DNAH7: variants seen among roughly 807,000 people sequenced by gnomAD.
The protein encoded by DNAH7 is axonemal beta dynein heavy chain 7.
A neutral mutation model predicts 444.6 loss-of-function variants in DNAH7; 397 were observed. The observed-to-expected ratio is 0.89, with a 90% CI of 0.82 to 0.97. The LOEUF (loss-of-function observed/expected upper bound fraction) is 0.97. DNAH7 is among the 50% of genes least tolerant of loss of function. DNAH7 has a pLI of 0.00. For synonymous variants in DNAH7, 1,636 were observed against 1,624.4 expected, an observed-to-expected ratio of 1.01 and a Z score of -0.17; for missense variants, 4,902 against 4,800.8, an observed-to-expected ratio of 1.02 and a Z score of -0.62.
intron 21 of DNAH7, among the ~76,000 whole-genome samples, chr2:195,928,070 C>T (rs975136903): frequency 1.3e-5 from 2 of 152,102 alleles, no homozygotes; most frequent in African/African-American, 4.8e-5. Context: ...TCATGCTCCC[C>T]TTTCTTCTCT....
rs767737012 is a variant in DNAH7, at chr2:195,864,975, C to A, written c.6680G>T (p.Ser2227Ile). 2 of 1,605,588 alleles carry A rather than the reference C, an allele frequency of 1.2e-6. No homozygotes were observed. Among genetic ancestry groups the A allele is most frequent in the African/African-American group, 2.7e-5 (2 of 74,892 alleles). ...YDRLLDNTDRSWLINYIQEIL... is the reference protein window; with the variant it reads ...YDRLLDNTDRIWLINYIQEIL... ...TTCTTGAATGTAGTTGATGAGCCAG[C>A]TTCTGTCTGTATTGTCCAGAAGGCG... Residue 2227 changes from serine (S) to isoleucine (I), a missense_variant, in exon 41 of 65, where the codon AGC becomes ATC. Transcript: ENST00000312428.
At chr2:195,867,680 T>A (rs904149757) in intron 40 of DNAH7, among the ~76,000 whole-genome samples, 4 of 152,220 alleles carry the variant, frequency 2.6e-5, no homozygotes, top group African/African-American at 9.6e-5. Flanking sequence ...AAATGAATCA[T>A]ATCATAGGTG....
chr2:196,053,662 A>G (rs1697626074), intron 2 of DNAH7, among the ~76,000 whole-genome samples: 1 of 152,162 alleles, frequency 6.6e-6, no homozygotes, highest in South Asian at 2.1e-4. Flanking sequence ...TCTCAAAGGC[A>G]CTGCTCTGAT....
At chr2:195,798,523 A>G (rs200561271) in intron 55 of DNAH7, among the ~76,000 whole-genome samples, 1 of 150,362 alleles carries the variant, frequency 6.7e-6, no homozygotes, top group Admixed American at 6.7e-5. Context: ...AAGACAAGGC[A>G]TGTAAATAGT....
In DNAH7 at chr2:195,910,387, T is replaced by A. The variant is rs1218263058; in HGVS notation, c.3936-192A>T. The stretch of plus-strand genomic sequence containing the variant: ...TCTGTTATTATATTTTATTTCTGAA[T>A]AGCTATATATATGCCACATTGAGAA... On this transcript the variant is annotated intron_variant, in intron 24 of 64. Coordinates refer to ENST00000312428, the MANE Select transcript of DNAH7 (RefSeq NM_018897.3). 2.0e-5 allele frequency among the ~76,000 whole-genome samples: 3 copies of A among 152,204 alleles called. No individual in the cohort carries two copies. The South Asian group carries it at 6.2e-4, about 32-fold the overall frequency.
chr2:196,024,430 C>T lies in DNAH7; in HGVS notation c.742G>A (p.Glu248Lys), dbSNP rs769872652. The T allele has an allele frequency of 7.6e-6, 12 of 1,574,740 alleles. 1 individual carries two copies. The Admixed American group carries it at 1.3e-4, about 17-fold the overall frequency. ...KTDELPAHRA[E>K]MEILPKPWRK... ...TCTTAGAGAAATCTGATCACTTACT[C>T]AGCACGATGGGCTGGAAGTTCATCT... The change falls in exon 8 of 65, where the codon GAA becomes AAA. Residue 248 changes from glutamate to lysine, a missense_variant and splice_region_variant. Physicochemically the swap from Glu to Lys is moderately conservative, Grantham distance 56. Coordinates refer to ENST00000312428, the MANE Select transcript of DNAH7 (RefSeq NM_018897.3).
intron 1 of DNAH7, among the ~76,000 whole-genome samples, chr2:196,061,316 T>A (rs1698119562): frequency 1.3e-5 from 2 of 152,126 alleles, no homozygotes; most frequent in South Asian, 4.1e-4. Context: ...TACTGGAATC[T>A]CCCAAATTTA....
At chr2:195,768,958 T>C (rs1694713534) in intron 61 of DNAH7, among the ~76,000 whole-genome samples, 1 of 152,198 alleles carries the variant, frequency 6.6e-6, no homozygotes, top group Admixed American at 6.5e-5. Context: ...GAGAATGTGA[T>C]ATAAAATTGT....
intron 2 of DNAH7, among the ~76,000 whole-genome samples, chr2:196,052,673 T>C (rs1697549488): frequency 6.6e-6 from 1 of 152,182 alleles, no homozygotes. Flanking sequence ...CCAGTTAATA[T>C]TAAAGACCAT....
At chr2:195,805,288 G>A (rs973229077) in intron 54 of DNAH7, among the ~76,000 whole-genome samples, 1 of 151,656 alleles carries the variant, frequency 6.6e-6, no homozygotes, top group Non-Finnish European at 1.5e-5. Context: ...GAAGGTCAGT[G>A]GTACATCCAG....
At chr2:195,779,041 C>T (rs1475725157) in intron 58 of DNAH7, among the ~76,000 whole-genome samples, 1 of 152,054 alleles carries the variant, frequency 6.6e-6, no homozygotes, top group East Asian at 1.9e-4. Context: ...GACGGGGTTT[C>T]ACCGTGTTAG....
chr2:195,899,354 T>C (rs1686549044), intron 28 of DNAH7, among the ~76,000 whole-genome samples: 1 of 152,210 alleles, frequency 6.6e-6, no homozygotes, highest in African/African-American at 2.4e-5. Flanking sequence ...GCTGCATAAC[T>C]TTAATAGCTC....
chr2:195,889,133 A>G, intron 31 of DNAH7, 152 bp from the exon 32 acceptor site: 3 of 688,816 alleles, frequency 4.4e-6, no homozygotes, highest in Non-Finnish European at 7.1e-6. Flanking sequence ...AAAGATTACT[A>G]TGTGTGTGTG....
chr2:195,814,763 G>A (rs916150636), intron 51 of DNAH7, among the ~76,000 whole-genome samples: 1 of 151,830 alleles, frequency 6.6e-6, no homozygotes. Context: ...TTTTGGAGAT[G>A]GGGTCTCACT....
chr2:195,848,576 A>G (rs115127628), intron 46 of DNAH7, among the ~76,000 whole-genome samples: 240 of 152,350 alleles, frequency 1.6e-3, no homozygotes, highest in African/African-American at 5.2e-3. Context: ...CACTCAGATA[A>G]ATGAAAGGCA....
intron 15 of DNAH7, among the ~76,000 whole-genome samples, chr2:195,974,184 T>C (rs1692035545): frequency 6.6e-6 from 1 of 152,252 alleles, no homozygotes; most frequent in South Asian, 2.1e-4. Flanking sequence ...TGTTCATTGA[T>C]ATATTATTCT....
At chr2:196,035,925 C>G (rs1266751074) in intron 5 of DNAH7, among the ~76,000 whole-genome samples, 1 of 152,054 alleles carries the variant, frequency 6.6e-6, no homozygotes, top group Non-Finnish European at 1.5e-5. Context: ...AATCCCACTT[C>G]TGGAACCCAA....
At chr2:196,040,843 G>A (rs1696696324) in intron 5 of DNAH7, among the ~76,000 whole-genome samples, 1 of 151,988 alleles carries the variant, frequency 6.6e-6, no homozygotes, top group Non-Finnish European at 1.5e-5. Context: ...CCCAAAAATT[G>A]TTAGAACTGA....
rs536495337 is a variant in DNAH7 at position 196,047,304 on chromosome 2, A to T, written c.398+48T>A. 26 of 1,454,448 alleles carry T rather than the reference A, an allele frequency of 1.8e-5. No individual in the cohort carries two copies. The Admixed American group carries it at 4.4e-4, about 25-fold the overall frequency. 90.1% of individuals were successfully genotyped at this position (1,454,448 alleles called of 1,614,324 possible). ...TAATATTCTTAGGTTAAACGTTGCC[A>T]GGGGCTCTAACATGGGTAACACGTA... On this transcript the variant is annotated intron_variant, in intron 5 of 64. Transcript: ENST00000312428.
Sources: gnomAD v4.1 joint callset for allele counts (sites outside exome capture counted in the v4.1 genomes callset) on GRCh38, gnomAD v4.1.1 for gene constraint, MANE v1.5 for transcripts, NCBI Gene and HGNC (gene_info 2026-07-23, HGNC 2026-07-21) for gene names.